The following PCDHGB1 variants were observed in gnomAD, a reference collection of about 807,000 sequenced individuals.
PCDHGB1 encodes the protein protocadherin gamma subfamily B, 1.
Under a neutral mutation model 56.6 loss-of-function variants are expected in PCDHGB1, and 34 were observed. The observed-to-expected ratio is 0.60, with a 90% confidence interval of 0.46 to 0.80. The LOEUF is 0.80. Among genes scored for constraint, PCDHGB1 ranks in the 30% least tolerant of loss-of-function variants. PCDHGB1 has a pLI of 0.00. For missense variants in PCDHGB1, 1,278 were observed against 1,204.6 expected, an observed-to-expected ratio of 1.06 and a Z score of -0.90; for synonymous variants, 561 against 505.9, an observed-to-expected ratio of 1.11 and a Z score of -1.46.
At chr5:141,375,106 T>A (rs1771135818) in intron 1 of PCDHGB1, 2 of 1,613,952 alleles carry the variant, frequency 1.2e-6, no homozygotes, top group East Asian at 4.5e-5. Context: ...TGGATGTCAA[T>A]GATAATGTAC....
In PCDHGB1 at chr5:141,350,910, C is replaced by T. The variant is rs759995473; in HGVS notation, c.650C>T (p.Pro217Leu). 3 of 1,613,954 alleles carry T rather than the reference C, an allele frequency of 1.9e-6. No homozygotes were observed. The highest frequency in any genetic ancestry group is 1.7e-5 in the Admixed American group (1 of 60,014). The change falls in exon 1 of 4, where the codon CCG becomes CTG. Residue 217 changes from proline to leucine, a missense_variant. By Grantham distance (98) the Pro-to-Leu change is moderately conservative (BLOSUM62 -3). Coordinates refer to ENST00000523390, the MANE Select transcript of PCDHGB1 (RefSeq NM_018922.3). ...CTGACTGCCATGGATGGCGGGGACC[C>T]GCCTCTAAGCGGCACCACCCATATC... The part of the protein sequence containing the change: ...LILTAMDGGD[P>L]PLSGTTHIWI...
At chr5:141,403,163 A>G (rs1357883715) in intron 1 of PCDHGB1, 1 of 1,614,052 alleles carries the variant, frequency 6.2e-7, no homozygotes, top group Admixed American at 1.7e-5. Context: ...CTCTAGAGGT[A>G]GGACGCAGCT....
chr5:141,366,091 G>A (rs756134424), intron 1 of PCDHGB1: 3 of 1,614,130 alleles, frequency 1.9e-6, no homozygotes, highest in Non-Finnish European at 2.5e-6. Flanking sequence ...CTGGCTACCT[G>A]GTGACCAAGG....
intron 2 of PCDHGB1, among the ~76,000 whole-genome samples, chr5:141,501,838 G>A (rs888418141): frequency 6.6e-6 from 1 of 152,000 alleles, no homozygotes; most frequent in African/African-American, 2.4e-5. Flanking sequence ...CACCTGTTTG[G>A]CCCTCAACCT....
At chr5:141,371,745 G>T (rs767038146) in intron 1 of PCDHGB1, 2 of 1,614,002 alleles carry the variant, frequency 1.2e-6, no homozygotes, top group South Asian at 2.2e-5. Flanking sequence ...CAACGTTCCC[G>T]TTTTCCACCA....
chr5:141,417,387 G>GA (rs1356605500), intron 1 of PCDHGB1: 1 of 154,090 alleles, frequency 6.5e-6, no homozygotes, highest in Non-Finnish European at 1.4e-5. Context: ...AAATTTTGAA[G>GA]AAAAAATATT....
intron 1 of PCDHGB1, among the ~76,000 whole-genome samples, chr5:141,455,580 T>C (rs572453788): frequency 6.6e-6 from 1 of 152,142 alleles, no homozygotes; most frequent in East Asian, 1.9e-4. Flanking sequence ...ACCCCAGCCT[T>C]TTAATATGCA....
chr5:141,388,775 G>A (rs1187741321), intron 1 of PCDHGB1: 1 of 1,613,726 alleles, frequency 6.2e-7, no homozygotes, highest in Non-Finnish European at 8.5e-7. Context: ...CTAACACCGG[G>A]GAAATTACTG....
chr5:141,384,804 A>C (rs1780531756), intron 1 of PCDHGB1: 1 of 1,613,332 alleles, frequency 6.2e-7, no homozygotes, highest in Non-Finnish European at 8.5e-7. Flanking sequence ...TGCTGGACAG[A>C]GATGCCCTCA....
chr5:141,409,648 G>A, intron 1 of PCDHGB1: 2 of 1,613,692 alleles, frequency 1.2e-6, no homozygotes, highest in East Asian at 4.5e-5. Context: ...CGGATTTGGG[G>A]CTCAATGGCC....
chr5:141,421,593 G>A lies in PCDHGB1; in HGVS notation c.2409+68924G>A, dbSNP rs780085355. ...CCTTGAAGATTTACGGAGTGGAGGTGGAAATAATAGATATTAATGATAACG... is the reference window on the plus strand; with the variant it reads ...CCTTGAAGATTTACGGAGTGGAGGTAGAAATAATAGATATTAATGATAACG... On this transcript the variant is annotated intron_variant, in intron 1 of 3. Coordinates refer to ENST00000523390, the MANE Select transcript of PCDHGB1 (RefSeq NM_018922.3). 6 of 1,613,840 alleles carry A rather than the reference G, an allele frequency of 3.7e-6. No individual in the cohort carries two copies. In the East Asian group the frequency reaches 1.1e-4, roughly 30 times the overall value.
chr5:141,393,473 G>A (rs1190605709), intron 1 of PCDHGB1: 1 of 1,614,044 alleles, frequency 6.2e-7, no homozygotes, highest in East Asian at 2.2e-5. Flanking sequence ...GCGGCAAGCC[G>A]CCTCGCTCTA....
chr5:141,364,491 T>G, intron 1 of PCDHGB1: 1 of 1,614,022 alleles, frequency 6.2e-7, no homozygotes. Context: ...GACCTTGGGC[T>G]GGAGCCCCAG....
At chr5:141,384,927 C>A in intron 1 of PCDHGB1, 1 of 1,614,014 alleles carries the variant, frequency 6.2e-7, no homozygotes, top group Non-Finnish European at 8.5e-7. Flanking sequence ...CCGACCTGGG[C>A]AGCCTTGAGC....
In PCDHGB1 at chr5:141,351,606, A is replaced by G; in HGVS notation, c.1346A>G (p.His449Arg). 3 of 1,614,044 alleles carry G rather than the reference A, an allele frequency of 1.9e-6. No individual in the cohort carries two copies. Among genetic ancestry groups the G allele is most frequent in the Non-Finnish European group, 2.5e-6 (3 of 1,179,900 alleles). The change falls in exon 1 of 4, where the codon CAT (histidine) becomes CGT (arginine). Residue 449 changes from histidine (H) to arginine (R), a missense_variant. Coordinates refer to ENST00000523390, the MANE Select transcript of PCDHGB1 (RefSeq NM_018922.3). ...SDINDNAPVF[H>R]QASYVVHVSE... The stretch of plus-strand genomic sequence containing the variant: ...ATCAACGACAATGCACCTGTTTTCC[A>G]TCAGGCCTCCTATGTGGTCCACGTG...
intron 1 of PCDHGB1, among the ~76,000 whole-genome samples, chr5:141,460,110 A>G (rs966038979): frequency 2.0e-5 from 3 of 151,894 alleles, no homozygotes; most frequent in African/African-American, 7.2e-5. Context: ...ATTATATATG[A>G]TTTTTATATA....
rs866878519 is a variant in PCDHGB1, at chr5:141,486,035, C to A, written c.2410-8772C>A. ...TTATTTCAGTGGTCATACCCCTGAT[C>A]GTGTAAGAAACCTCTTTAGCCTGCA... is the stretch of plus-strand genomic sequence containing the variant. On this transcript the variant is annotated intron_variant, in intron 1 of 3. Coordinates refer to ENST00000523390, the MANE Select transcript of PCDHGB1 (RefSeq NM_018922.3). This position sits in a 1 kb window ranked among gnomAD's most constrained non-coding sequence, Gnocchi z 5.0. The A allele has an allele frequency of 1.9e-6, 3 of 1,614,100 alleles. No homozygotes were observed. The East Asian group carries it at 6.7e-5, about 36-fold the overall frequency.
At chr5:141,428,020 C>T (rs1443722620) in intron 1 of PCDHGB1, 1 of 1,605,408 alleles carries the variant, frequency 6.2e-7, no homozygotes, top group Admixed American at 1.7e-5. Context: ...GTGCCACGCG[C>T]CGCAGAGTCC....
chr5:141,420,061 G>C, intron 1 of PCDHGB1: 1 of 1,614,076 alleles, frequency 6.2e-7, no homozygotes. Flanking sequence ...TCTGCTCCAA[G>C]TCCGGACCTG....
Sources: gnomAD v4.1 joint callset for allele counts (sites outside exome capture counted in the v4.1 genomes callset) on GRCh38, gnomAD v4.1.1 for gene constraint, Gnocchi (gnomAD v3.1) non-coding constraint, MANE v1.5 for transcripts, NCBI Gene and HGNC (gene_info 2026-07-23, HGNC 2026-07-21) for gene names.